The following CA10 variants were observed in gnomAD, a reference collection of about 807,000 sequenced individuals.
CA10 encodes carbonic anhydrase-related protein 10.
Under a neutral mutation model 44.2 loss-of-function variants are expected in CA10, and 14 were observed. That is an observed-to-expected ratio of 0.32 (90% CI 0.21 to 0.50). The LOEUF is 0.50. Among genes scored for constraint, CA10 ranks in the 20% least tolerant of loss-of-function variants. The probability of loss-of-function intolerance (pLI) is 0.99; values close to 1 mark genes in which losing one functional copy is unlikely to be tolerated. For synonymous variants in CA10, 159 were observed against 141.6 expected (o/e 1.12, Z -0.87); for missense variants, 350 against 409.7 (o/e 0.85, Z 1.26).
At chr17:51,877,830 G>A (rs1050092592) in intron 3 of CA10, among the ~76,000 whole-genome samples, 1 of 152,058 alleles carries the variant, frequency 6.6e-6, no homozygotes, top group African/African-American at 2.4e-5. Flanking sequence ...AATATAAAGA[G>A]AGGTAAAGAG....
chr17:51,861,181 A>C (rs1979287643), intron 3 of CA10, among the ~76,000 whole-genome samples: 1 of 152,120 alleles, frequency 6.6e-6, no homozygotes, highest in Admixed American at 6.5e-5. Context: ...AGGACACGGG[A>C]GAGATCTGAT....
chr17:52,042,699 C>T (rs909375183), intron 2 of CA10, among the ~76,000 whole-genome samples: 3 of 151,926 alleles, frequency 2.0e-5, no homozygotes, highest in Non-Finnish European at 2.9e-5. Flanking sequence ...AGCTTTCCCC[C>T]TATGTTTACT....
intron 4 of CA10, among the ~76,000 whole-genome samples, chr17:51,734,570 C>A (rs114790011): frequency 0.01 from 1,560 of 152,234 alleles, 26 homozygotes; most frequent in African/African-American, 0.035. Flanking sequence ...CAGCTCAGGG[C>A]TTTGCTTCAA....
intron 4 of CA10, among the ~76,000 whole-genome samples, chr17:51,700,977 G>T (rs1567808827): frequency 6.6e-6 from 1 of 152,022 alleles, no homozygotes; most frequent in Non-Finnish European, 1.5e-5. Context: ...TACATGTGGG[G>T]CTTAATACCT....
intron 3 of CA10, among the ~76,000 whole-genome samples, chr17:51,924,294 T>A (rs1982340888): frequency 6.6e-6 from 1 of 152,128 alleles, no homozygotes; most frequent in South Asian, 2.1e-4. Flanking sequence ...TTTGTTTGTT[T>A]TTTAAAGTTT....
chr17:51,864,234 C>A (rs187258581), intron 3 of CA10, among the ~76,000 whole-genome samples: 1 of 151,872 alleles, frequency 6.6e-6, no homozygotes, highest in African/African-American at 2.4e-5. Context: ...TCCCAGGAAC[C>A]GGGGAAAAAG....
intron 3 of CA10, among the ~76,000 whole-genome samples, chr17:51,806,518 A>C (rs1316769474): frequency 6.6e-6 from 1 of 152,236 alleles, no homozygotes; most frequent in East Asian, 1.9e-4. Context: ...TACAATAAAC[A>C]AATAAAAATG....
chr17:52,034,077 C>T lies in CA10; in HGVS notation c.136+38242G>A, dbSNP rs187369108. Among the ~76,000 whole-genome samples the T allele has an allele frequency of 2.1e-3, 325 of 152,252 alleles. 1 individual carries two copies. The highest frequency in any genetic ancestry group is 7.5e-3 in the African/African-American group (313 of 41,542). On this transcript the variant is annotated intron_variant, in intron 2 of 8. Coordinates refer to ENST00000451037, the MANE Select transcript of CA10 (RefSeq NM_020178.5). Reference sequence around the variant, plus strand: ...AGTCAAGGGTACAAAGCACTTTATCCGCACTTGGAATATACAAGTCCTAGA... The same window carrying T: ...AGTCAAGGGTACAAAGCACTTTATCTGCACTTGGAATATACAAGTCCTAGA...
rs1036474435 is a variant in CA10, at chr17:51,657,573, C to T, written c.466-3837G>A. Among the ~76,000 whole-genome samples the T allele has an allele frequency of 5.9e-5, 9 of 152,194 alleles. 1 individual carries two copies. The highest frequency in any genetic ancestry group is 1.7e-4 in the African/African-American group (7 of 41,450). On this transcript the variant is annotated intron_variant, in intron 4 of 8. Coordinates refer to ENST00000451037, the MANE Select transcript of CA10 (RefSeq NM_020178.5). Reference sequence around the variant, plus strand: ...CCACATCCTGCTAGGGACAGAGTATCAGATTGGCAGATGGGTTCTGAAAGT... The same window carrying T: ...CCACATCCTGCTAGGGACAGAGTATTAGATTGGCAGATGGGTTCTGAAAGT...
chr17:51,989,364 T>C (rs1246546954), intron 2 of CA10, among the ~76,000 whole-genome samples: 1 of 152,050 alleles, frequency 6.6e-6, no homozygotes, highest in African/African-American at 2.4e-5. Context: ...CCCCTGTAAG[T>C]GTCCATGTGT....
At chr17:52,149,655 C>T (rs72836049) in intron 1 of CA10, among the ~76,000 whole-genome samples, 3,882 of 152,242 alleles carry the variant, frequency 0.025, 65 homozygotes, top group Non-Finnish European at 0.038. Flanking sequence ...ATAGATATAC[C>T]GTAAAATCCA....
At chr17:51,868,095 C>G (rs1249595893) in intron 3 of CA10, among the ~76,000 whole-genome samples, 1 of 146,104 alleles carries the variant, frequency 6.8e-6, no homozygotes, top group Admixed American at 6.8e-5. Flanking sequence ...CACACACACA[C>G]AAAGATATTC....
chr17:52,090,334 T>A (rs1333751100), intron 1 of CA10, among the ~76,000 whole-genome samples: 1 of 152,102 alleles, frequency 6.6e-6, no homozygotes, highest in Non-Finnish European at 1.5e-5. Flanking sequence ...CAAGATTTTT[T>A]AAAAAGACTT....
intron 3 of CA10, among the ~76,000 whole-genome samples, chr17:51,861,854 G>A (rs542851752): frequency 1.3e-5 from 2 of 152,264 alleles, no homozygotes; most frequent in East Asian, 3.9e-4. Context: ...AAGGCTTATA[G>A]TGAAAGATGA....
At chr17:52,016,157 G>A (rs1054698260) in intron 2 of CA10, among the ~76,000 whole-genome samples, 2 of 152,086 alleles carry the variant, frequency 1.3e-5, no homozygotes, top group African/African-American at 4.8e-5. Context: ...CAGACACCAG[G>A]ATTCAAAGCA....
At chr17:51,907,592 T>C (rs1198702015) in intron 3 of CA10, among the ~76,000 whole-genome samples, 1 of 152,142 alleles carries the variant, frequency 6.6e-6, no homozygotes, top group Non-Finnish European at 1.5e-5. Context: ...GCCATCTCTT[T>C]CCCAGGATTG....
At chr17:51,661,951 A>G (rs2143314564) in intron 4 of CA10, 1 of 152,350 alleles carries the variant, frequency 6.6e-6, no homozygotes, top group African/African-American at 2.4e-5. Flanking sequence ...CATGGACAAA[A>G]TATAAAAGAA....
chr17:51,767,111 A>C (rs954024030), intron 3 of CA10, among the ~76,000 whole-genome samples: 1 of 152,194 alleles, frequency 6.6e-6, no homozygotes, highest in African/African-American at 2.4e-5. Flanking sequence ...GTTCATTTTA[A>C]ATGTTCTCTC....
chr17:52,048,571 C>T (rs976781098), intron 2 of CA10, among the ~76,000 whole-genome samples: 2 of 151,888 alleles, frequency 1.3e-5, no homozygotes, highest in African/African-American at 4.8e-5. Context: ...CATCAAGGAG[C>T]CATGAAAGGG....
Sources: gnomAD v4.1 joint callset for allele counts (sites outside exome capture counted in the v4.1 genomes callset) on GRCh38, gnomAD v4.1.1 for gene constraint, MANE v1.5 for transcripts, NCBI Gene and HGNC (gene_info 2026-07-23, HGNC 2026-07-21) for gene names.